Variants in SLC35D4 observed in about 807,000 individuals in gnomAD.
The protein encoded by SLC35D4 is UDP-N-acetylglucosamine transporter SLC35D4.
the SLC35D4 span, among the ~76,000 whole-genome samples, chr18:23,255,260 G>A: frequency 6.6e-6 from 1 of 152,108 alleles, no homozygotes; most frequent in South Asian, 2.1e-4. Flanking sequence ...AGTCAGCAAG[G>A]CCCCAGATAT....
chr18:23,329,365 A>T, the SLC35D4 span, among the ~76,000 whole-genome samples: 1 of 152,220 alleles, frequency 6.6e-6, no homozygotes, highest in Non-Finnish European at 1.5e-5. Context: ...TACAAGAAAA[A>T]AACAAACCAC....
chr18:23,318,806 G>A, the SLC35D4 span, among the ~76,000 whole-genome samples: 1 of 152,036 alleles, frequency 6.6e-6, no homozygotes, highest in African/African-American at 2.4e-5. Context: ...TTTAATAAAG[G>A]AGTCTAGAAA....
chr18:23,284,565 A>C, the SLC35D4 span, among the ~76,000 whole-genome samples: 1 of 152,190 alleles, frequency 6.6e-6, no homozygotes, highest in Admixed American at 6.5e-5. Flanking sequence ...CTTTGCCTGT[A>C]ACATCTGTCT....
the SLC35D4 span, among the ~76,000 whole-genome samples, chr18:23,437,591 G>A: frequency 6.6e-6 from 1 of 152,112 alleles, no homozygotes; most frequent in Non-Finnish European, 1.5e-5. Flanking sequence ...TGCAGGAAAC[G>A]GGGACAGTAC....
the SLC35D4 span, among the ~76,000 whole-genome samples, chr18:23,337,615 T>A: frequency 2.0e-5 from 3 of 152,238 alleles, no homozygotes; most frequent in African/African-American, 4.8e-5. Flanking sequence ...ATTCTAAAAT[T>A]CTGAACATGG....
At chr18:23,259,433 T>C in the SLC35D4 span, 1 of 152,218 alleles carries the variant, frequency 6.6e-6, no homozygotes, top group African/African-American at 2.4e-5. Context: ...TTTACTTGGA[T>C]TTGGGGTGAT....
the SLC35D4 span, among the ~76,000 whole-genome samples, chr18:23,339,975 G>A: frequency 2.0e-5 from 3 of 152,258 alleles, no homozygotes; most frequent in African/African-American, 4.8e-5. Context: ...GGGGTTCCGC[G>A]AATAGTGACC....
At chr18:23,399,233 C>T in the SLC35D4 span, among the ~76,000 whole-genome samples, 1 of 152,220 alleles carries the variant, frequency 6.6e-6, no homozygotes, top group Non-Finnish European at 1.5e-5. Context: ...CCCTGCCTCC[C>T]TGCTCCTGTG....
chr18:23,358,649 G>A, the SLC35D4 span, among the ~76,000 whole-genome samples: 5 of 152,096 alleles, frequency 3.3e-5, no homozygotes, highest in South Asian at 2.1e-4. Context: ...GCGAGTCCTT[G>A]AGAGTGGGGA....
chr18:23,239,366 CTA>C, the SLC35D4 span, among the ~76,000 whole-genome samples: 1 of 152,202 alleles, frequency 6.6e-6, no homozygotes, highest in Non-Finnish European at 1.5e-5. Flanking sequence ...TCCTGGAGAC[CTA>C]TGTTTCCTAT....
At chr18:23,282,832 C>T in the SLC35D4 span, among the ~76,000 whole-genome samples, 1 of 152,086 alleles carries the variant, frequency 6.6e-6, no homozygotes, top group African/African-American at 2.4e-5. Context: ...GGCTCGCAGG[C>T]CTCATCTGTG....
chr18:23,433,559 C>T, the SLC35D4 span, among the ~76,000 whole-genome samples: 11 of 152,148 alleles, frequency 7.2e-5, no homozygotes, highest in African/African-American at 1.2e-4. Context: ...TGGAGGAACA[C>T]GTCATCAGCC....
chr18:23,423,881 G>A, the SLC35D4 span, among the ~76,000 whole-genome samples: 5 of 152,156 alleles, frequency 3.3e-5, no homozygotes, highest in African/African-American at 1.2e-4. Context: ...GCACTGGAGA[G>A]GGGGCAGCAA....
chr18:23,300,069 T>C, the SLC35D4 span, among the ~76,000 whole-genome samples: 8 of 152,112 alleles, frequency 5.3e-5, no homozygotes, highest in Non-Finnish European at 8.8e-5. Context: ...ACGACCCTAT[T>C]TGGGAACGAG....
At chr18:23,325,106 C>G in the SLC35D4 span, among the ~76,000 whole-genome samples, 2 of 152,018 alleles carry the variant, frequency 1.3e-5, no homozygotes, top group Non-Finnish European at 2.9e-5. Flanking sequence ...CCTGGGTGCT[C>G]CCTGGCTGGG....
the SLC35D4 span, among the ~76,000 whole-genome samples, chr18:23,356,900 A>G: frequency 6.6e-6 from 1 of 152,230 alleles, no homozygotes; most frequent in Non-Finnish European, 1.5e-5. The surrounding 1 kb of genome is among the most constrained non-coding windows in gnomAD (Gnocchi z 4.1). Flanking sequence ...GCAGGGCCCA[A>G]TACTAAAATC....
At chr18:23,321,914 G>A in the SLC35D4 span, among the ~76,000 whole-genome samples, 2 of 152,144 alleles carry the variant, frequency 1.3e-5, no homozygotes, top group African/African-American at 2.4e-5. Flanking sequence ...TTTTCCCTTC[G>A]GATACAGGGT....
the SLC35D4 span, among the ~76,000 whole-genome samples, chr18:23,397,878 C>A: frequency 2.6e-5 from 4 of 152,086 alleles, no homozygotes; most frequent in Non-Finnish European, 5.9e-5. Flanking sequence ...CAGAGCAAGA[C>A]CCCATCTCTA....
the SLC35D4 span, chr18:23,356,620 G>C: frequency 3.7e-6 from 6 of 1,614,166 alleles, no homozygotes; most frequent in Non-Finnish European, 5.1e-6. The surrounding 1 kb of genome is among the most constrained non-coding windows in gnomAD (Gnocchi z 4.1). Context: ...CATGGAATCT[G>C]TAGAAGTACA....
Sources: gnomAD v4.1 joint callset for allele counts (sites outside exome capture counted in the v4.1 genomes callset) on GRCh38, gnomAD v4.1.1 for gene constraint, Gnocchi (gnomAD v3.1) non-coding constraint, MANE v1.5 for transcripts, NCBI Gene and HGNC (gene_info 2026-07-23, HGNC 2026-07-21) for gene names.